The following LRP1B variants were observed in gnomAD, a reference collection of about 807,000 sequenced individuals.
The protein encoded by LRP1B is LDL receptor related protein 1B, also known as low-density lipoprotein receptor-related protein 1B.
A neutral mutation model predicts 556.6 loss-of-function variants in LRP1B; 217 were observed. The observed-to-expected ratio is 0.39, with a 90% CI of 0.35 to 0.44. The LOEUF (loss-of-function observed/expected upper bound fraction) is 0.44. Ranked by LOEUF, LRP1B falls within the 20% of genes least tolerant of loss-of-function variation. The pLI is 1.00. For missense variants in LRP1B, 5,053 were observed against 5,620.8 expected (o/e 0.90, Z 3.23); for synonymous variants, 2,047 against 1,865.8 (o/e 1.10, Z -2.50).
At chr2:140,934,862 C>G (rs1236058668) in intron 20 of LRP1B, among the ~76,000 whole-genome samples, 2 of 152,078 alleles carry the variant, frequency 1.3e-5, no homozygotes, top group African/African-American at 4.8e-5. Context: ...ACTCAGTTCC[C>G]CTTTTGGGAG....
At chr2:140,914,727 T>C (rs1694524016) in intron 21 of LRP1B, among the ~76,000 whole-genome samples, 1 of 151,788 alleles carries the variant, frequency 6.6e-6, no homozygotes, top group Non-Finnish European at 1.5e-5. Context: ...CAAGGGAAAG[T>C]GAAATAAAAA....
At chr2:140,381,961 T>TA (rs926094552) in intron 67 of LRP1B, among the ~76,000 whole-genome samples, 5 of 146,766 alleles carry the variant, frequency 3.4e-5, no homozygotes, top group Non-Finnish European at 6.0e-5. Flanking sequence ...GGTAAAAACA[T>TA]ACAACCACAG....
At chr2:141,648,223 A>C (rs1689654613) in intron 2 of LRP1B, among the ~76,000 whole-genome samples, 1 of 152,202 alleles carries the variant, frequency 6.6e-6, no homozygotes, top group African/African-American at 2.4e-5. Context: ...TGAATTCTTG[A>C]CTGAACTCCA....
At chr2:140,258,598 G>A (rs1306412792) in intron 86 of LRP1B, among the ~76,000 whole-genome samples, 1 of 152,034 alleles carries the variant, frequency 6.6e-6, no homozygotes, top group Admixed American at 6.6e-5. Flanking sequence ...CTCGTCTATT[G>A]CAATGGCTTT....
chr2:140,457,366 T>G, intron 61 of LRP1B, 97 bp downstream of exon 61: 1 of 991,902 alleles, frequency 1.0e-6, no homozygotes, highest in Non-Finnish European at 1.5e-6. Context: ...GTAATCTTCA[T>G]CAAAAATAAA....
In LRP1B at chr2:141,302,982, G is replaced by A. The variant is rs116074765; in HGVS notation, c.344-48341C>T. Reference sequence around the variant, plus strand: ...ACATATAATGAATACTAGCAATTACGTGAATGGTCTTAAGTACCTGGTAAT... The same window carrying A: ...ACATATAATGAATACTAGCAATTACATGAATGGTCTTAAGTACCTGGTAAT... On this transcript the variant is annotated intron_variant, in intron 3 of 90. Transcript: ENST00000389484. Among the ~76,000 whole-genome samples, 407 of 152,110 alleles carry A rather than the reference G, an allele frequency of 2.7e-3. 3 individuals carry two copies. Among genetic ancestry groups the A allele is most frequent in the African/African-American group, 9.4e-3 (392 of 41,530 alleles).
At chr2:141,637,107 C>T (rs936881764) in intron 2 of LRP1B, among the ~76,000 whole-genome samples, 1 of 151,918 alleles carries the variant, frequency 6.6e-6, no homozygotes, top group Admixed American at 6.6e-5. Context: ...TGAACTATGA[C>T]AGAAAACGCA....
At chr2:140,657,883 T>C (rs1467514637) in intron 41 of LRP1B, among the ~76,000 whole-genome samples, 2 of 151,790 alleles carry the variant, frequency 1.3e-5, no homozygotes, top group African/African-American at 4.8e-5. Context: ...GTACAGTGAG[T>C]GTATGTGTTG....
chr2:141,158,375 C>T (rs1315492532), intron 7 of LRP1B, among the ~76,000 whole-genome samples: 2 of 152,042 alleles, frequency 1.3e-5, no homozygotes, highest in East Asian at 3.9e-4. Flanking sequence ...TATTCAGTGT[C>T]CTTATGTCTC....
chr2:141,156,684 G>A (rs1257288166), intron 7 of LRP1B, among the ~76,000 whole-genome samples: 1 of 151,608 alleles, frequency 6.6e-6, no homozygotes, highest in Non-Finnish European at 1.5e-5. Flanking sequence ...GTGTAGAAAT[G>A]GCATGTTACA....
intron 7 of LRP1B, among the ~76,000 whole-genome samples, chr2:141,177,867 C>A (rs192913850): frequency 2.0e-5 from 3 of 152,168 alleles, no homozygotes; most frequent in Admixed American, 2.0e-4. Context: ...ATAGAGTTAG[C>A]CTTCAGACAA....
intron 11 of LRP1B, among the ~76,000 whole-genome samples, chr2:141,043,682 T>C (rs1036452357): frequency 1.3e-5 from 2 of 151,992 alleles, no homozygotes; most frequent in African/African-American, 4.8e-5. Flanking sequence ...TTGAGTAGAA[T>C]GAAGGCATAC....
intron 1 of LRP1B, among the ~76,000 whole-genome samples, chr2:141,971,953 TCA>T (rs1367641944): frequency 6.6e-6 from 1 of 151,518 alleles, no homozygotes; most frequent in Non-Finnish European, 1.5e-5. Flanking sequence ...TGTAAAATCT[TCA>T]CTAGTCTCTT....
At chr2:140,996,845 C>T (rs1028266516) in intron 15 of LRP1B, among the ~76,000 whole-genome samples, 4 of 151,916 alleles carry the variant, frequency 2.6e-5, no homozygotes, top group Non-Finnish European at 5.9e-5. Context: ...GTCAAAGTTC[C>T]ACCTACACTC....
In LRP1B at chr2:140,321,164, CTTAT is replaced by C. The variant is rs376415861; in HGVS notation, c.12640+795_12640+798del. 5.1e-4 allele frequency among the ~76,000 whole-genome samples: 78 copies of C among 152,104 alleles called. 1 individual carries two copies. Among genetic ancestry groups the C allele is most frequent in the African/African-American group, 1.7e-3 (69 of 41,518 alleles). On this transcript the variant is annotated intron_variant, in intron 82 of 90. Transcript: ENST00000389484. ...ACCTAATGTCTTGAATATGAGGTAA[CTTAT>C]TTATTGTCAGTCTAGCTGGATATTC...
chr2:140,804,733 A>G (rs1040519441), intron 32 of LRP1B, among the ~76,000 whole-genome samples: 1 of 144,612 alleles, frequency 6.9e-6, no homozygotes, highest in African/African-American at 2.6e-5. Context: ...AACAATTGTA[A>G]ATACTTTATC....
At chr2:142,113,630 A>G (rs1223277233) in intron 1 of LRP1B, among the ~76,000 whole-genome samples, 1 of 151,956 alleles carries the variant, frequency 6.6e-6, no homozygotes, top group East Asian at 1.9e-4. Context: ...AAACAAAACT[A>G]ACTAACTAAA....
intron 7 of LRP1B, among the ~76,000 whole-genome samples, chr2:141,136,334 G>C (rs966578647): frequency 6.6e-6 from 1 of 151,736 alleles, no homozygotes; most frequent in Admixed American, 6.6e-5. Context: ...AATCTTCACT[G>C]TTCACTTTCA....
At chr2:142,063,125 TGA>T (rs1255200445) in intron 1 of LRP1B, among the ~76,000 whole-genome samples, 1 of 151,382 alleles carries the variant, frequency 6.6e-6, no homozygotes. Flanking sequence ...ATCCATTTAT[TGA>T]GAGTTTATTT....
Sources: gnomAD v4.1 joint callset for allele counts (sites outside exome capture counted in the v4.1 genomes callset) on GRCh38, gnomAD v4.1.1 for gene constraint, MANE v1.5 for transcripts, NCBI Gene and HGNC (gene_info 2026-07-23, HGNC 2026-07-21) for gene names.